Variants in TSNARE1 observed in about 807,000 individuals in gnomAD.
The protein encoded by TSNARE1 is t-SNARE domain-containing protein 1.
Under a neutral mutation model 62.0 loss-of-function variants are expected in TSNARE1, and 49 were observed. The observed-to-expected ratio is 0.79, with a 90% CI of 0.63 to 1.00. The LOEUF is 1.00. TSNARE1 is among the 50% of genes least tolerant of loss of function. The pLI, the probability that TSNARE1 is intolerant of heterozygous loss-of-function variation, is 0.00. For synonymous variants in TSNARE1, 328 were observed against 294.4 expected, an observed-to-expected ratio of 1.11 and a Z score of -1.17; for missense variants, 755 against 700.1, an observed-to-expected ratio of 1.08 and a Z score of -0.88.
chr8:142,270,669 T>G (rs1457306549), intron 12 of TSNARE1: 4 of 985,218 alleles, frequency 4.1e-6, no homozygotes, highest in Middle Eastern at 1.0e-3. Flanking sequence ...GCTTGGGACC[T>G]TTTTAGAGCC....
At chr8:142,301,573 C>T (rs1825787226) in intron 9 of TSNARE1, among the ~76,000 whole-genome samples, 1 of 152,184 alleles carries the variant, frequency 6.6e-6, no homozygotes, top group Non-Finnish European at 1.5e-5. Context: ...TGCCAGCGGG[C>T]CTTCCTTCAC....
At chr8:142,241,827 A>C (rs7818493) in intron 12 of TSNARE1, among the ~76,000 whole-genome samples, 77,923 of 145,244 alleles carry the variant, frequency 0.54, 22,435 homozygotes, top group African/African-American at 0.72. Context: ...ACGGATCTCC[A>C]TCTCACGCCG....
At chr8:142,349,216 C>A (rs1383566164) in intron 2 of TSNARE1, among the ~76,000 whole-genome samples, 3 of 152,076 alleles carry the variant, frequency 2.0e-5, no homozygotes, top group East Asian at 1.9e-4. Flanking sequence ...TTTAAAAAGA[C>A]AACTGGAAAA....
At chr8:142,314,578 G>C in intron 8 of TSNARE1, 138 bp from the exon 9 acceptor site, 1 of 735,940 alleles carries the variant, frequency 1.4e-6, no homozygotes. Flanking sequence ...GAGGCTGCCG[G>C]GGCCGGGGCT....
intron 13 of TSNARE1, among the ~76,000 whole-genome samples, chr8:142,223,642 TCTCA>T (rs1217750403): frequency 1.3e-5 from 2 of 148,706 alleles, no homozygotes; most frequent in African/African-American, 5.0e-5. Context: ...TCACTCATTC[TCTCA>T]CTCATTCACT....
chr8:142,379,916 G>C (rs1030621299), intron 1 of TSNARE1, among the ~76,000 whole-genome samples: 1 of 152,234 alleles, frequency 6.6e-6, no homozygotes, highest in South Asian at 2.1e-4. Context: ...GGGAAAGGAA[G>C]CATCTAATCC....
At chr8:142,275,388 G>A (rs1464443415) in intron 11 of TSNARE1, 18 of 985,304 alleles carry the variant, frequency 1.8e-5, no homozygotes, top group South Asian at 1.4e-4. Flanking sequence ...GCTGCCGTGC[G>A]GGGATCACGG....
intron 13 of TSNARE1, among the ~76,000 whole-genome samples, chr8:142,218,907 G>GA (rs1464898040): frequency 6.6e-6 from 1 of 152,126 alleles, no homozygotes; most frequent in African/African-American, 2.4e-5. Context: ...TGCAATTACT[G>GA]AAAAGCACCC....
intron 2 of TSNARE1, among the ~76,000 whole-genome samples, chr8:142,354,156 C>T (rs991740945): frequency 1.3e-5 from 2 of 152,138 alleles, no homozygotes; most frequent in East Asian, 1.9e-4. Context: ...GGAAGAGCAG[C>T]GGCTCGACGC....
At chr8:142,222,732 CCACT>C (rs1257637060) in intron 13 of TSNARE1, among the ~76,000 whole-genome samples, 21,583 of 61,570 alleles carry the variant, frequency 0.35, 1,401 homozygotes, top group Non-Finnish European at 0.4. Context: ...ACTCACTCAT[CCACT>C]CACTCACTCA....
chr8:142,318,892 A>G (rs531731036), intron 6 of TSNARE1, among the ~76,000 whole-genome samples: 6 of 152,112 alleles, frequency 3.9e-5, no homozygotes, highest in Non-Finnish European at 7.4e-5. Context: ...AGACAAGAGC[A>G]GCGATGATTC....
At chr8:142,218,497 T>C (rs1816053642) in intron 13 of TSNARE1, among the ~76,000 whole-genome samples, 1 of 152,174 alleles carries the variant, frequency 6.6e-6, no homozygotes, top group Non-Finnish European at 1.5e-5. Flanking sequence ...TCACTGCCAA[T>C]GTCCCTCAGA....
chr8:142,225,272 A>T (rs533063124), intron 13 of TSNARE1, among the ~76,000 whole-genome samples: 1 of 149,050 alleles, frequency 6.7e-6, no homozygotes, highest in South Asian at 2.1e-4. Context: ...GCGAGACCCC[A>T]GGGCTCTCCT....
rs528389048 is a variant in TSNARE1 at position 142,400,068 on chromosome 8, G to A, written c.-40+3036C>T. ...AAAAAAAAAAGAGGTGGCTGGGCAC[G>A]GTGGCTCACACCTGGGATTACAGTG... On this transcript the variant is annotated intron_variant, in intron 1 of 13. Transcript: ENST00000524325. 1.3e-3 allele frequency among the ~76,000 whole-genome samples: 191 copies of A among 150,484 alleles called. 2 individuals carry two copies. Among genetic ancestry groups the A allele is most frequent in the Non-Finnish European group, 3.0e-4 (20 of 67,750 alleles).
chr8:142,315,217 A>G lies in TSNARE1; in HGVS notation c.985-125T>C. 6 of 911,824 alleles carry G rather than the reference A, an allele frequency of 6.6e-6. No individual in the cohort carries two copies. The South Asian group carries it at 9.3e-5, about 14-fold the overall frequency. 56.5% of individuals were successfully genotyped at this position (911,824 alleles called of 1,614,324 possible). ...ACACTCAGAATGGGGCTCGCCATCA[A>G]CTACTTCCCCTCCGTGTCACCGTCG... On this transcript the variant is annotated intron_variant, in intron 7 of 13. Coordinates refer to ENST00000524325, the MANE Select transcript of TSNARE1 (RefSeq NM_145003.5).
In TSNARE1 at chr8:142,250,084, G is replaced by A. The variant is rs147192629; in HGVS notation, c.1447-20505C>T. On this transcript the variant is annotated intron_variant, in intron 12 of 13. Coordinates refer to ENST00000524325, the MANE Select transcript of TSNARE1 (RefSeq NM_145003.5). ...CCCATGCCCTTCTTCAGAGTGCGCC[G>A]CATGAGACCTGCTGGAGCCAGGCCG... is the stretch of plus-strand genomic sequence containing the variant. Among the ~76,000 whole-genome samples the A allele has an allele frequency of 6.9e-4, 105 of 152,234 alleles. 1 individual carries two copies. Among genetic ancestry groups the A allele is most frequent in the Admixed American group, 1.8e-3 (28 of 15,298 alleles).
At chr8:142,256,247 TCACCATCATCACCATCACC>T (rs1818540245) in intron 12 of TSNARE1, among the ~76,000 whole-genome samples, 1 of 59,890 alleles carries the variant, frequency 1.7e-5, no homozygotes, top group East Asian at 6.3e-4. Flanking sequence ...ACCATCACCA[TCACCATCATCACCATCACC>T]ATCACCACCA....
intron 13 of TSNARE1, 98 bp downstream of exon 13, chr8:142,229,375 G>A (rs1816991637): frequency 1.0e-6 from 1 of 974,138 alleles, no homozygotes; most frequent in African/African-American, 1.6e-5. Flanking sequence ...TGGATAGATG[G>A]ATGGATGGTG....
At chr8:142,280,722 C>A (rs997334405) in intron 11 of TSNARE1, among the ~76,000 whole-genome samples, 79 of 152,298 alleles carry the variant, frequency 5.2e-4, no homozygotes, top group African/African-American at 1.9e-3. Context: ...ACAGACTCAG[C>A]ACATCCCAGC....
Sources: gnomAD v4.1 joint callset for allele counts (sites outside exome capture counted in the v4.1 genomes callset) on GRCh38, gnomAD v4.1.1 for gene constraint, MANE v1.5 for transcripts, NCBI Gene and HGNC (gene_info 2026-07-23, HGNC 2026-07-21) for gene names.